PRKG1: variants seen among roughly 807,000 people sequenced by gnomAD.
PRKG1 encodes the protein cGMP-dependent protein kinase 1.
In PRKG1, 35 loss-of-function variants were observed where a neutral mutation model predicts 88.1. The ratio of observed to expected loss-of-function variants is 0.40; its 90% CI spans 0.30 to 0.53. The LOEUF (loss-of-function observed/expected upper bound fraction) is 0.53. PRKG1 is among the 20% of genes least tolerant of loss of function. The probability of loss-of-function intolerance (pLI) is 0.59; values close to 1 mark genes in which losing one functional copy is unlikely to be tolerated. For synonymous variants in PRKG1, 303 were observed against 292.5 expected, an observed-to-expected ratio of 1.04 and a Z score of -0.37; for missense variants, 540 against 839.8, an observed-to-expected ratio of 0.64 and a Z score of 4.41.
chr10:51,167,514 T>G (rs1423568606), intron 2 of PRKG1, among the ~76,000 whole-genome samples: 1 of 152,162 alleles, frequency 6.6e-6, no homozygotes, highest in African/African-American at 2.4e-5. Flanking sequence ...TTATGTTTTA[T>G]GAGTAGAAAA....
intron 2 of PRKG1, among the ~76,000 whole-genome samples, chr10:51,235,815 C>T (rs766124740): frequency 6.6e-6 from 1 of 151,246 alleles, no homozygotes; most frequent in Non-Finnish European, 1.5e-5. Flanking sequence ...GTATGTAAAG[C>T]AATTTAGAAA....
At chr10:51,552,429 A>G (rs1837161890) in intron 3 of PRKG1, among the ~76,000 whole-genome samples, 2 of 151,538 alleles carry the variant, frequency 1.3e-5, no homozygotes, top group South Asian at 2.1e-4. Flanking sequence ...TGGACATACT[A>G]TTTATTTATT....
At chr10:51,109,609 A>C (rs750258255) in intron 1 of PRKG1, among the ~76,000 whole-genome samples, 1 of 152,134 alleles carries the variant, frequency 6.6e-6, no homozygotes, top group Non-Finnish European at 1.5e-5. Flanking sequence ...GTAAAACCTA[A>C]AACTACTAAT....
At chr10:51,792,676 A>T (rs372584551) in intron 3 of PRKG1, among the ~76,000 whole-genome samples, 1 of 152,106 alleles carries the variant, frequency 6.6e-6, no homozygotes, top group Admixed American at 6.6e-5. Context: ...CCAAAATGGA[A>T]AAAGGCAAGA....
At chr10:51,850,601 C>G (rs1407699389) in intron 4 of PRKG1, among the ~76,000 whole-genome samples, 2 of 151,944 alleles carry the variant, frequency 1.3e-5, no homozygotes, top group Admixed American at 6.6e-5. Flanking sequence ...CATTACATAT[C>G]ATAAAGAGCA....
chr10:51,260,481 GGGAATTTAAAAA>G (rs1839677404), intron 2 of PRKG1, among the ~76,000 whole-genome samples: 2 of 151,992 alleles, frequency 1.3e-5, no homozygotes, highest in South Asian at 4.2e-4. Context: ...GGTCTCTCTA[GGGAATTTAAAAA>G]GAGTCTGGAT....
intron 9 of PRKG1, among the ~76,000 whole-genome samples, chr10:52,169,283 A>G (rs546280051): frequency 6.6e-6 from 1 of 152,318 alleles, no homozygotes; most frequent in South Asian, 2.1e-4. Flanking sequence ...AACAGTAGAA[A>G]TTTATTTCTG....
chr10:51,035,331 G>A (rs938910905), intron 1 of PRKG1, among the ~76,000 whole-genome samples: 8 of 152,048 alleles, frequency 5.3e-5, no homozygotes, highest in African/African-American at 1.2e-4. Flanking sequence ...TTCCTCCCCC[G>A]ACAACTATAG....
At chr10:51,511,579 TGAAA>T (rs1359324394) in intron 3 of PRKG1, among the ~76,000 whole-genome samples, 1 of 152,180 alleles carries the variant, frequency 6.6e-6, no homozygotes, top group Non-Finnish European at 1.5e-5. Flanking sequence ...AGTTAACATA[TGAAA>T]TGTGGGTTAA....
At chr10:51,460,340 A>T (rs1193444796) in intron 2 of PRKG1, among the ~76,000 whole-genome samples, 1 of 152,132 alleles carries the variant, frequency 6.6e-6, no homozygotes, top group Non-Finnish European at 1.5e-5. Flanking sequence ...CCTGCCTCTA[A>T]GCAATTACGG....
chr10:51,816,286 T>G (rs1839583288), intron 4 of PRKG1, among the ~76,000 whole-genome samples: 1 of 152,142 alleles, frequency 6.6e-6, no homozygotes, highest in Non-Finnish European at 1.5e-5. Flanking sequence ...GAGCCTGGGT[T>G]TGGATTTAAA....
At chr10:52,154,784 C>A (rs1015505777) in intron 8 of PRKG1, among the ~76,000 whole-genome samples, 5 of 152,050 alleles carry the variant, frequency 3.3e-5, no homozygotes, top group African/African-American at 1.2e-4. Context: ...AGTCTTTTAT[C>A]TCCCACCCCA....
At chr10:52,172,742 A>T (rs1282137344) in intron 9 of PRKG1, among the ~76,000 whole-genome samples, 1 of 152,216 alleles carries the variant, frequency 6.6e-6, no homozygotes, top group East Asian at 1.9e-4. Context: ...TAGAGATAAA[A>T]TGTTTGAACC....
intron 3 of PRKG1, among the ~76,000 whole-genome samples, chr10:51,753,007 G>T (rs548316829): frequency 6.6e-6 from 1 of 152,164 alleles, no homozygotes; most frequent in Non-Finnish European, 1.5e-5. Context: ...TCATAAACTA[G>T]CTAAATTAGG....
At chr10:51,492,091 G>A (rs191984753) in intron 3 of PRKG1, among the ~76,000 whole-genome samples, 1 of 152,164 alleles carries the variant, frequency 6.6e-6, no homozygotes, top group African/African-American at 2.4e-5. Context: ...CTCTGTCCTC[G>A]TTTTGCTCAA....
intron 17 of PRKG1, among the ~76,000 whole-genome samples, chr10:52,291,151 G>C: frequency 6.6e-6 from 1 of 151,966 alleles, no homozygotes; most frequent in African/African-American, 2.4e-5. Context: ...TTGAATTCCT[G>C]ACCTCAAGTG....
At chr10:52,183,923 T>C (rs1564506637) in intron 9 of PRKG1, among the ~76,000 whole-genome samples, 1 of 152,182 alleles carries the variant, frequency 6.6e-6, no homozygotes, top group Non-Finnish European at 1.5e-5. Context: ...TGTTCTTCCA[T>C]TTACCTTTTC....
At chr10:51,328,103 C>T (rs949069194) in intron 2 of PRKG1, among the ~76,000 whole-genome samples, 3 of 152,182 alleles carry the variant, frequency 2.0e-5, no homozygotes, top group South Asian at 2.1e-4. Flanking sequence ...TTGTATCCTT[C>T]GACCAATATC....
At chr10:51,525,821 T>A (rs1167540791) in intron 3 of PRKG1, among the ~76,000 whole-genome samples, 1 of 151,296 alleles carries the variant, frequency 6.6e-6, no homozygotes, top group African/African-American at 2.4e-5. Flanking sequence ...TAGCCATCAC[T>A]CTTAGCACTT....
Sources: allele counts gnomAD v4.1 joint callset (sites outside exome capture counted in the v4.1 genomes callset), GRCh38; gene constraint gnomAD v4.1.1; transcripts MANE v1.5; gene names NCBI Gene and HGNC (gene_info 2026-07-23, HGNC 2026-07-21).